TTC6: variants seen among roughly 807,000 people sequenced by gnomAD.
The protein encoded by TTC6 is tetratricopeptide repeat protein 6.
Under a neutral mutation model 210.4 loss-of-function variants are expected in TTC6, and 172 were observed. The observed-to-expected ratio is 0.82, with a 90% CI of 0.72 to 0.93. The LOEUF is 0.93. Among genes scored for constraint, TTC6 ranks in the 40% least tolerant of loss-of-function variants. The pLI, the probability that TTC6 is intolerant of heterozygous loss-of-function variation, is 0.00. For missense variants in TTC6, 2,414 were observed against 2,318.1 expected, an observed-to-expected ratio of 1.04 and a Z score of -0.85; for synonymous variants, 804 against 819.6, an observed-to-expected ratio of 0.98 and a Z score of 0.32.
chr14:37,784,158 A>C (rs1211754681), intron 14 of TTC6, among the ~76,000 whole-genome samples: 3 of 152,130 alleles, frequency 2.0e-5, no homozygotes, highest in South Asian at 4.1e-4. Flanking sequence ...TGCTTGGTGC[A>C]GAGCTGAGTT....
chr14:37,601,582 C>T (rs888666625), intron 1 of TTC6, among the ~76,000 whole-genome samples: 6 of 152,202 alleles, frequency 3.9e-5, no homozygotes, highest in South Asian at 2.1e-4. Context: ...ATGAATGGGC[C>T]GATGGACTGA....
intron 1 of TTC6, among the ~76,000 whole-genome samples, chr14:37,599,306 A>G (rs1009251939): frequency 3.9e-5 from 6 of 152,106 alleles, no homozygotes; most frequent in African/African-American, 1.2e-4. Context: ...TAAGGGATTA[A>G]TTCACAACTC....
intron 1 of TTC6, among the ~76,000 whole-genome samples, chr14:37,657,126 C>T (rs2095725376): frequency 6.8e-6 from 1 of 147,166 alleles, no homozygotes; most frequent in Admixed American, 7.0e-5. Context: ...GCAGGAGAAC[C>T]GCTTGAATCC....
chr14:37,783,950 T>A (rs530316974), intron 14 of TTC6, among the ~76,000 whole-genome samples: 5 of 152,296 alleles, frequency 3.3e-5, no homozygotes, highest in East Asian at 1.9e-4. Flanking sequence ...TTTGAGTGAG[T>A]TTCTTAATCC....
chr14:37,701,634 A>G, intron 5 of TTC6, 108 bp downstream of exon 7: 1 of 1,050,310 alleles, frequency 9.5e-7, no homozygotes, highest in Non-Finnish European at 1.3e-6. Flanking sequence ...TTGGACACTA[A>G]AGAGGAGGGA....
intron 1 of TTC6, among the ~76,000 whole-genome samples, chr14:37,651,503 T>A (rs1414741907): frequency 1.4e-5 from 2 of 146,492 alleles, no homozygotes; most frequent in Non-Finnish European, 3.0e-5. Context: ...GAATTTTCCT[T>A]TCATAAATAT....
At chr14:37,634,003 A>T (rs962801748) in intron 1 of TTC6, among the ~76,000 whole-genome samples, 1 of 152,184 alleles carries the variant, frequency 6.6e-6, no homozygotes, top group African/African-American at 2.4e-5. Flanking sequence ...CTAAAACAGA[A>T]AGTCAAAGTA....
At chr14:37,601,733 T>C (rs976511754) in intron 1 of TTC6, among the ~76,000 whole-genome samples, 16 of 152,140 alleles carry the variant, frequency 1.1e-4, no homozygotes, top group African/African-American at 2.9e-4. Context: ...TCGGGTGGCA[T>C]AACAAATAAA....
chr14:37,669,724 T>C (rs926634740), intron 1 of TTC6, among the ~76,000 whole-genome samples: 1 of 152,190 alleles, frequency 6.6e-6, no homozygotes, highest in East Asian at 1.9e-4. Flanking sequence ...GAGGCAAGAT[T>C]ATTTATCTTT....
chr14:37,733,030 G>A (rs1227636637), intron 7 of TTC6, among the ~76,000 whole-genome samples: 1 of 152,166 alleles, frequency 6.6e-6, no homozygotes, highest in Non-Finnish European at 1.5e-5. Context: ...AACCCATGAA[G>A]TTCAAACCCA....
intron 10 of TTC6, among the ~76,000 whole-genome samples, chr14:37,746,014 A>G (rs1050219627): frequency 2.6e-5 from 4 of 152,152 alleles, no homozygotes; most frequent in African/African-American, 9.7e-5. Context: ...CAAGCTGCCC[A>G]TTTATCTCAT....
exon 7 of TTC6, chr14:37,724,998 A>G: frequency 2.0e-6 from 3 of 1,485,246 alleles, no homozygotes; most frequent in Non-Finnish European, 1.8e-6. Context: ...TATCCAAAAT[A>G]TGAGGTAACA....
In TTC6 at chr14:37,714,213, T is replaced by C. The variant is rs544784511; in HGVS notation, c.1572-442T>C. ...GAAGAAAGACTTGATGCCTACACAG[T>C]TTTCTGTTCATCTCAGCAAGAAGGG... On this transcript the variant is annotated intron_variant, in intron 5 of 30. Coordinates refer to ENST00000553443, the Ensembl canonical transcript of TTC6. 5.9e-5 allele frequency among the ~76,000 whole-genome samples: 9 copies of C among 152,262 alleles called. No homozygotes were observed. The East Asian group carries it at 1.5e-3, about 26-fold the overall frequency.
intron 26 of TTC6, among the ~76,000 whole-genome samples, chr14:37,819,343 A>T (rs1450386670): frequency 6.6e-6 from 1 of 152,192 alleles, no homozygotes; most frequent in Non-Finnish European, 1.5e-5. Context: ...TTCATTCCTG[A>T]TGTGTCTTAC....
chr14:37,693,348 C>T (rs1166225224), intron 3 of TTC6, among the ~76,000 whole-genome samples: 1 of 151,994 alleles, frequency 6.6e-6, no homozygotes, highest in African/African-American at 2.4e-5. Flanking sequence ...AACTATAAAA[C>T]ACTGATGAAA....
chr14:37,670,330 G>C (rs1378878385), intron 1 of TTC6, among the ~76,000 whole-genome samples: 1 of 152,094 alleles, frequency 6.6e-6, no homozygotes, highest in Non-Finnish European at 1.5e-5. Flanking sequence ...TGACAATATA[G>C]TGAAATGTTA....
chr14:37,625,927 C>T (rs1214081702), intron 1 of TTC6, among the ~76,000 whole-genome samples: 1 of 152,166 alleles, frequency 6.6e-6, no homozygotes, highest in African/African-American at 2.4e-5. Flanking sequence ...CAGGATTTCT[C>T]AACATTGGCA....
chr14:37,735,889 C>A, intron 7 of TTC6, 32 bp from the exon 10 acceptor site: 1 of 1,349,682 alleles, frequency 7.4e-7, no homozygotes, highest in African/African-American at 1.5e-5. Flanking sequence ...TATTCCAAAA[C>A]ATAATTTAAA....
intron 9 of TTC6, among the ~76,000 whole-genome samples, 165 bp downstream of exon 11, chr14:37,737,899 T>G (rs1407809611): frequency 1.3e-5 from 2 of 151,966 alleles, no homozygotes; most frequent in African/African-American, 4.8e-5. Flanking sequence ...GTACAGTAAG[T>G]TGCAGATGGT....
Sources: gnomAD v4.1 joint callset for allele counts (sites outside exome capture counted in the v4.1 genomes callset) on GRCh38, gnomAD v4.1.1 for gene constraint, MANE v1.5 for transcripts, NCBI Gene and HGNC (gene_info 2026-07-23, HGNC 2026-07-21) for gene names.